MAN2A1: variants seen among roughly 807,000 people sequenced by gnomAD.
MAN2A1 encodes the protein mannosidase alpha class 2A member 1.
Under a neutral mutation model 142.6 loss-of-function variants are expected in MAN2A1, and 76 were observed. The ratio of observed to expected loss-of-function variants is 0.53; its 90% confidence interval spans 0.44 to 0.65. MAN2A1 has a LOEUF of 0.65. MAN2A1 is among the 30% of genes least tolerant of loss of function. The pLI is 0.00. For synonymous variants in MAN2A1, 559 were observed against 473.2 expected (o/e 1.18, Z -2.35); for missense variants, 1,311 against 1,365.1 (o/e 0.96, Z 0.62).
At chr5:109,775,479 CTT>C (rs10713345) in intron 8 of MAN2A1, among the ~76,000 whole-genome samples, 14 of 149,538 alleles carry the variant, frequency 9.4e-5, no homozygotes, top group African/African-American at 2.5e-4. Context: ...GGTTCTTACT[CTT>C]TTTTTTTTTC....
intron 4 of MAN2A1, among the ~76,000 whole-genome samples, chr5:109,749,802 G>C (rs909755495): frequency 3.3e-5 from 5 of 151,936 alleles, no homozygotes; most frequent in Admixed American, 6.6e-5. Context: ...GCTTGTCAGA[G>C]AAATAGTTCA....
At chr5:109,744,904 T>C (rs1752358581) in intron 4 of MAN2A1, among the ~76,000 whole-genome samples, 1 of 152,108 alleles carries the variant, frequency 6.6e-6, no homozygotes, top group African/African-American at 2.4e-5. Context: ...TGTATATTCA[T>C]ACAACAGAAT....
intron 5 of MAN2A1, among the ~76,000 whole-genome samples, chr5:109,758,314 A>G (rs1015791417): frequency 1.3e-5 from 2 of 152,132 alleles, no homozygotes; most frequent in African/African-American, 2.4e-5. Flanking sequence ...TCAGCTGCGT[A>G]TAGATCTTTT....
At chr5:109,790,068 C>T (rs1219003180) in intron 12 of MAN2A1, among the ~76,000 whole-genome samples, 1 of 151,718 alleles carries the variant, frequency 6.6e-6, no homozygotes, top group Non-Finnish European at 1.5e-5. Context: ...TGGTGGCTAC[C>T]TAATAATTAT....
intron 4 of MAN2A1, among the ~76,000 whole-genome samples, chr5:109,730,849 G>T (rs1751884259): frequency 6.6e-6 from 1 of 152,120 alleles, no homozygotes; most frequent in Non-Finnish European, 1.5e-5. Flanking sequence ...ACCTCCAGAG[G>T]CTGTCTTCTT....
At chr5:109,740,711 G>T (rs1752244579) in intron 4 of MAN2A1, among the ~76,000 whole-genome samples, 1 of 140,902 alleles carries the variant, frequency 7.1e-6, no homozygotes, top group Non-Finnish European at 1.5e-5. Context: ...AGGAGCTGTT[G>T]ACCGAATCTC....
At chr5:109,760,468 GA>G (rs1337177270) in intron 5 of MAN2A1, among the ~76,000 whole-genome samples, 2 of 152,158 alleles carry the variant, frequency 1.3e-5, no homozygotes, top group Non-Finnish European at 2.9e-5. Flanking sequence ...CTTTATGGTT[GA>G]ATGATTTATA....
chr5:109,690,831 G>T (rs1054336943), intron 1 of MAN2A1, among the ~76,000 whole-genome samples: 56 of 152,282 alleles, frequency 3.7e-4, no homozygotes, highest in African/African-American at 1.3e-3. Flanking sequence ...CGGCCTGTTG[G>T]GGTGGCTTCG....
chr5:109,813,736 T>C (rs1056433501), intron 12 of MAN2A1, among the ~76,000 whole-genome samples: 3 of 152,360 alleles, frequency 2.0e-5, no homozygotes, highest in Middle Eastern at 3.4e-3. Flanking sequence ...ATAGTTGTCT[T>C]TTTTAACATG....
chr5:109,786,843 A>T (rs1273474268), intron 10 of MAN2A1, among the ~76,000 whole-genome samples: 2 of 152,054 alleles, frequency 1.3e-5, no homozygotes, highest in Non-Finnish European at 2.9e-5. Flanking sequence ...CAGAAACAGA[A>T]TAAATCCTGT....
In MAN2A1 at chr5:109,833,603, G is replaced by T. The variant is rs553445820; in HGVS notation, c.2567-8725G>T. Among the ~76,000 whole-genome samples, 4 of 151,584 alleles carry T rather than the reference G, an allele frequency of 2.6e-5. No homozygotes were observed. The South Asian group carries it at 8.4e-4, about 32-fold the overall frequency. ...GAGAATCAGGCATGGAGGTTGCAGT[G>T]AGCCGAGATGGCAGCACTACAGTCC... On this transcript the variant is annotated intron_variant, in intron 16 of 21. Coordinates refer to ENST00000261483, the MANE Select transcript of MAN2A1 (RefSeq NM_002372.4).
intron 5 of MAN2A1, among the ~76,000 whole-genome samples, chr5:109,755,717 T>A (rs1192077292): frequency 6.6e-6 from 1 of 150,756 alleles, no homozygotes; most frequent in Non-Finnish European, 1.5e-5. Flanking sequence ...ATTTTAATTG[T>A]ATGTTAAGAC....
At chr5:109,717,200 T>C (rs1751481198) in intron 3 of MAN2A1, among the ~76,000 whole-genome samples, 1 of 152,224 alleles carries the variant, frequency 6.6e-6, no homozygotes, top group Non-Finnish European at 1.5e-5. Flanking sequence ...GAAGGTTTTT[T>C]TCTTTGCTTC....
At chr5:109,822,075 T>C (rs2112728445) in intron 15 of MAN2A1, among the ~76,000 whole-genome samples, 1 of 151,976 alleles carries the variant, frequency 6.6e-6, no homozygotes, top group East Asian at 1.9e-4. Flanking sequence ...TAAAATCCAA[T>C]ACTGGATTTT....
intron 10 of MAN2A1, among the ~76,000 whole-genome samples, chr5:109,787,679 T>C (rs953962426): frequency 1.3e-5 from 2 of 151,972 alleles, no homozygotes; most frequent in African/African-American, 4.8e-5. Flanking sequence ...TTAATACATC[T>C]GGTTTTAGGT....
intron 3 of MAN2A1, among the ~76,000 whole-genome samples, chr5:109,727,060 A>G (rs929411847): frequency 4.6e-5 from 7 of 152,168 alleles, no homozygotes; most frequent in Admixed American, 1.3e-4. Flanking sequence ...GATATAGTAT[A>G]TTCAGTTAAA....
At chr5:109,853,815 A>T (rs577115873) in intron 19 of MAN2A1, 1 of 152,254 alleles carries the variant, frequency 6.6e-6, no homozygotes, top group South Asian at 2.1e-4. Flanking sequence ...TTGTTGGAGA[A>T]TATTATTTTA....
At chr5:109,862,822 T>C (rs984972206) in intron 20 of MAN2A1, 1 of 152,254 alleles carries the variant, frequency 6.6e-6, no homozygotes, top group African/African-American at 2.4e-5. Flanking sequence ...TTGGACAAGA[T>C]GATTGCTATT....
chr5:109,736,875 CCTT>C (rs1752115680), intron 4 of MAN2A1, among the ~76,000 whole-genome samples: 1 of 152,030 alleles, frequency 6.6e-6, no homozygotes, highest in Non-Finnish European at 1.5e-5. Flanking sequence ...TGTGTGTTTA[CCTT>C]TTAGCAATAG....
Sources: allele counts gnomAD v4.1 joint callset (sites outside exome capture counted in the v4.1 genomes callset), GRCh38; gene constraint gnomAD v4.1.1; transcripts MANE v1.5; gene names NCBI Gene and HGNC (gene_info 2026-07-23, HGNC 2026-07-21).